The following ZNF385D variants were observed in gnomAD, a reference collection of about 807,000 sequenced individuals.
The protein encoded by ZNF385D is zinc finger protein 385D.
Under a neutral mutation model 35.8 loss-of-function variants are expected in ZNF385D, and 15 were observed. That is an observed-to-expected ratio of 0.42 (90% CI 0.28 to 0.64). ZNF385D has a LOEUF of 0.64. Among genes scored for constraint, ZNF385D ranks in the 30% least tolerant of loss-of-function variants. The pLI is 0.23. For missense variants in ZNF385D, 474 were observed against 494.6 expected, an observed-to-expected ratio of 0.96 and a Z score of 0.39; for synonymous variants, 212 against 186.8, an observed-to-expected ratio of 1.13 and a Z score of -1.10.
chr3:21,699,344 G>A (rs2067589141), intron 1 of ZNF385D, among the ~76,000 whole-genome samples: 1 of 152,050 alleles, frequency 6.6e-6, no homozygotes, highest in Admixed American at 6.5e-5. Context: ...GTCAGGGGGT[G>A]AGGGGCTAGG....
chr3:21,788,998 C>T, intron 3 of ZNF385D, among the ~76,000 whole-genome samples: 1 of 152,094 alleles, frequency 6.6e-6, no homozygotes, highest in East Asian at 1.9e-4. Context: ...ACAGATGAGA[C>T]CATGTGCTAT....
chr3:22,251,033 G>A (rs1166097331), intron 2 of ZNF385D, among the ~76,000 whole-genome samples: 2 of 151,868 alleles, frequency 1.3e-5, no homozygotes, highest in Non-Finnish European at 2.9e-5. Flanking sequence ...CCTTACCTCA[G>A]AAAAATAAAA....
Position 21,414,186 on chromosome 3 carries a change from T to TACAAA in ZNF385D, c.*7023_*7027dup, listed in dbSNP as rs140477788. On this transcript the variant is annotated 3_prime_UTR_variant, in exon 8 of 8. Coordinates refer to ENST00000281523, the MANE Select transcript of ZNF385D (RefSeq NM_024697.3). ...TATTTAATAAAAATTGCTGTGGATTTACAAAACAAAACAAAACAAAACAAA... is the reference window on the plus strand; with the variant it reads ...TATTTAATAAAAATTGCTGTGGATTTACAAAACAAAACAAAACAAAACAAAACAAA... 1.4e-3 allele frequency: 177 copies of TACAAA among 128,080 alleles called. No homozygotes were observed. The highest frequency in any genetic ancestry group is 2.0e-3 in the Non-Finnish European group (109 of 55,536). The allele number at this position is 128,080 out of a possible 1,614,324, so 7.9% of individuals were successfully genotyped here.
At chr3:22,215,128 T>C (rs898346975) in intron 2 of ZNF385D, among the ~76,000 whole-genome samples, 2 of 151,980 alleles carry the variant, frequency 1.3e-5, no homozygotes, top group African/African-American at 4.8e-5. Flanking sequence ...GGGGTGACTT[T>C]TGCCTGATAT....
intron 4 of ZNF385D, among the ~76,000 whole-genome samples, chr3:21,484,884 G>A (rs1033358341): frequency 6.6e-6 from 1 of 152,058 alleles, no homozygotes; most frequent in African/African-American, 2.4e-5. Context: ...CTTGCAGACT[G>A]CTCCTGTGCC....
intron 2 of ZNF385D, among the ~76,000 whole-genome samples, chr3:21,599,052 T>C (rs972785030): frequency 6.6e-5 from 10 of 152,188 alleles, no homozygotes; most frequent in African/African-American, 2.4e-4. Flanking sequence ...AAACTTCAAA[T>C]CACCTATTTT....
chr3:21,854,127 C>A (rs186470302), intron 3 of ZNF385D, among the ~76,000 whole-genome samples: 11 of 151,836 alleles, frequency 7.2e-5, no homozygotes, highest in Admixed American at 7.2e-4. Context: ...GTGATATTTA[C>A]CCATATTACT....
In ZNF385D at chr3:22,041,058, G is replaced by T. The variant is rs1489963443; in HGVS notation, c.325+127759C>A. Reference sequence around the variant, plus strand: ...AGGACAACATTAAAGGTAAACACATGAAGGGGTTTCAAAAGATGTCATTAG... The same window carrying T: ...AGGACAACATTAAAGGTAAACACATTAAGGGGTTTCAAAAGATGTCATTAG... On this transcript the variant is annotated intron_variant, in intron 3 of 5. Transcript: ENST00000494108. Among the ~76,000 whole-genome samples the T allele has an allele frequency of 2.6e-5, 4 of 152,180 alleles. 1 individual carries two copies. The South Asian group carries it at 8.3e-4, about 32-fold the overall frequency.
At position 21,968,516 on chromosome 3, in the gene ZNF385D, T is replaced by TGAGGAGAGGA. The variant is rs149641003; in HGVS notation, c.325+200291_325+200300dup. ...GTCCTAGAGCCTCATTCCTTCTGTC[T>TGAGGAGAGGA]GAGGAGAGGAGAGGAGAGAGTAAAG... On this transcript the variant is annotated intron_variant, in intron 3 of 5. Coordinates refer to the ZNF385D transcript ENST00000494108. 1.1e-4 allele frequency among the ~76,000 whole-genome samples: 16 copies of TGAGGAGAGGA among 151,216 alleles called. No individual in the cohort carries two copies. The East Asian group carries it at 1.8e-3, about 17-fold the overall frequency.
chr3:21,871,814 T>A (rs1697706437), intron 3 of ZNF385D, among the ~76,000 whole-genome samples: 2 of 152,018 alleles, frequency 1.3e-5, no homozygotes, highest in Admixed American at 1.3e-4. Flanking sequence ...GAGACCAGCA[T>A]GGCCAACATG....
chr3:22,149,675 CTT>C (rs1386832246), intron 3 of ZNF385D, among the ~76,000 whole-genome samples: 2 of 152,182 alleles, frequency 1.3e-5, no homozygotes, highest in Non-Finnish European at 2.9e-5. Flanking sequence ...TACTTACACT[CTT>C]TTAAAACAAT....
intron 4 of ZNF385D, among the ~76,000 whole-genome samples, chr3:21,451,601 C>A (rs1439172002): frequency 6.6e-6 from 1 of 152,024 alleles, no homozygotes; most frequent in East Asian, 1.9e-4. Flanking sequence ...TCAGGTACAA[C>A]AATGCATTAT....
intron 3 of ZNF385D, among the ~76,000 whole-genome samples, chr3:22,137,440 G>A (rs1426995078): frequency 1.3e-5 from 2 of 152,064 alleles, no homozygotes; most frequent in African/African-American, 2.4e-5. Context: ...CTGGCAAATC[G>A]AATCCAACAG....
chr3:22,134,386 G>T (rs762175561), intron 3 of ZNF385D: 1 of 151,888 alleles, frequency 6.6e-6, no homozygotes, highest in Non-Finnish European at 1.5e-5. Context: ...AGCAAAAATG[G>T]CAAAACTGAA....
intron 3 of ZNF385D, among the ~76,000 whole-genome samples, chr3:21,808,578 G>C (rs1045496243): frequency 1.3e-5 from 2 of 152,154 alleles, no homozygotes; most frequent in African/African-American, 4.8e-5. Context: ...CCTCTCCTTT[G>C]TGCCAGTGCT....
At chr3:21,811,037 T>G (rs1434640658) in intron 3 of ZNF385D, among the ~76,000 whole-genome samples, 2 of 150,924 alleles carry the variant, frequency 1.3e-5, no homozygotes, top group Non-Finnish European at 3.0e-5. Flanking sequence ...TTAATGTAAT[T>G]AATGTCTTTA....
chr3:21,730,954 C>A (rs2068969075), intron 1 of ZNF385D, among the ~76,000 whole-genome samples: 1 of 152,100 alleles, frequency 6.6e-6, no homozygotes, highest in South Asian at 2.1e-4. Flanking sequence ...TTGTTGTTTC[C>A]AGTTTGTGCT....
In ZNF385D at chr3:21,871,693, G is replaced by T. The variant is rs574561487; in HGVS notation, c.326-206665C>A. ...ACCAAGTGTTTTCTTTAAGAAAACT[G>T]AACTTAGGAACAGTTTTAAAAATTA... On this transcript the variant is annotated intron_variant, in intron 3 of 5. Coordinates refer to the ZNF385D transcript ENST00000494108. Among the ~76,000 whole-genome samples the T allele has an allele frequency of 5.3e-5, 8 of 152,206 alleles. No homozygotes were observed. In the South Asian group the frequency reaches 1.7e-3, roughly 32 times the overall value.
intron 3 of ZNF385D, among the ~76,000 whole-genome samples, chr3:21,801,936 G>A (rs2072424859): frequency 1.3e-5 from 2 of 152,160 alleles, no homozygotes; most frequent in South Asian, 4.1e-4. Flanking sequence ...CGTTTCTAAT[G>A]AAGCCATGGG....
Sources: gnomAD v4.1 joint callset for allele counts (sites outside exome capture counted in the v4.1 genomes callset) on GRCh38, gnomAD v4.1.1 for gene constraint, MANE v1.5 for transcripts, NCBI Gene and HGNC (gene_info 2026-07-23, HGNC 2026-07-21) for gene names.